The following PCDH15 variants were observed in gnomAD, a reference collection of about 807,000 sequenced individuals.
PCDH15 encodes the protein protocadherin related 15, also known as protocadherin-15.
In PCDH15, 129 loss-of-function variants were observed where a neutral mutation model predicts 178.5. The observed-to-expected ratio is 0.72, with a 90% CI of 0.63 to 0.84. The LOEUF is 0.84. Ranked by LOEUF, PCDH15 falls within the 40% of genes least tolerant of loss-of-function variation. The pLI, the probability that PCDH15 is intolerant of heterozygous loss-of-function variation, is 0.00. For missense variants in PCDH15, 2,230 were observed against 2,099.9 expected (o/e 1.06, Z -1.21); for synonymous variants, 800 against 732.0 (o/e 1.09, Z -1.50).
intron 1 of PCDH15, among the ~76,000 whole-genome samples, chr10:54,750,218 G>A (rs76538665): frequency 0.014 from 2,133 of 151,944 alleles, 51 homozygotes; most frequent in African/African-American, 0.048. Context: ...TTATAAAACC[G>A]TAGAGATGGC....
At chr10:54,343,286 G>A (rs1022030316) in intron 6 of PCDH15, among the ~76,000 whole-genome samples, 2 of 152,096 alleles carry the variant, frequency 1.3e-5, no homozygotes, top group Non-Finnish European at 2.9e-5. Context: ...TTTTGTGAGA[G>A]TGAGGGCATT....
intron 2 of PCDH15, among the ~76,000 whole-genome samples, chr10:55,409,381 T>A (rs570232881): frequency 6.6e-6 from 1 of 152,230 alleles, no homozygotes; most frequent in Admixed American, 6.5e-5. Flanking sequence ...CATGTTACTG[T>A]CCAATCATGA....
At chr10:55,337,240 G>C (rs1323524871) in intron 2 of PCDH15, among the ~76,000 whole-genome samples, 1 of 152,180 alleles carries the variant, frequency 6.6e-6, no homozygotes. Flanking sequence ...AAAAAATTAT[G>C]GTTCTACTGG....
intron 15 of PCDH15, among the ~76,000 whole-genome samples, chr10:54,129,939 A>G (rs1471963466): frequency 6.6e-6 from 1 of 152,174 alleles, no homozygotes; most frequent in African/African-American, 2.4e-5. Flanking sequence ...TTGTGTTTAA[A>G]AAAGGAGAAA....
At chr10:54,442,859 T>G (rs1204489260) in intron 3 of PCDH15, among the ~76,000 whole-genome samples, 1 of 151,474 alleles carries the variant, frequency 6.6e-6, no homozygotes, top group African/African-American at 2.4e-5. Flanking sequence ...GAAACGCCAT[T>G]GTTTATTGTA....
At chr10:55,425,787 T>C (rs1486163984) in intron 2 of PCDH15, among the ~76,000 whole-genome samples, 1 of 152,194 alleles carries the variant, frequency 6.6e-6, no homozygotes, top group Non-Finnish European at 1.5e-5. Flanking sequence ...TATTAATATA[T>C]GCTGTGAAAT....
intron 2 of PCDH15, among the ~76,000 whole-genome samples, chr10:55,375,884 C>G (rs943562016): frequency 1.7e-4 from 26 of 151,878 alleles, no homozygotes; most frequent in African/African-American, 5.8e-4. Context: ...ACTGTTTTTA[C>G]CACCAATCTA....
At chr10:53,917,468 C>A (rs1283512166) in intron 25 of PCDH15, among the ~76,000 whole-genome samples, 1 of 151,974 alleles carries the variant, frequency 6.6e-6, no homozygotes, top group African/African-American at 2.4e-5. Flanking sequence ...AATAAACAAG[C>A]TAACAGAAAA....
At chr10:55,383,087 G>A (rs1379662822) in intron 2 of PCDH15, among the ~76,000 whole-genome samples, 1 of 152,124 alleles carries the variant, frequency 6.6e-6, no homozygotes, top group Non-Finnish European at 1.5e-5. Context: ...TTTGAAAGGC[G>A]ATGAATGCAG....
chr10:53,857,129 T>G (rs1275510135), intron 28 of PCDH15, 46 bp downstream of exon 28: 2 of 1,322,876 alleles, frequency 1.5e-6, no homozygotes, highest in Non-Finnish European at 2.2e-6. Flanking sequence ...CAGTTAAAAA[T>G]CATGGTCATA....
intron 3 of PCDH15, among the ~76,000 whole-genome samples, chr10:54,400,975 CATT>C (rs773098872): frequency 2.0e-5 from 3 of 151,982 alleles, no homozygotes; most frequent in Non-Finnish European, 4.4e-5. Flanking sequence ...AGGAAACTGT[CATT>C]GTTGAGAATT....
At chr10:54,759,426 C>T (rs1002874393) in intron 1 of PCDH15, among the ~76,000 whole-genome samples, 8 of 152,066 alleles carry the variant, frequency 5.3e-5, no homozygotes, top group African/African-American at 1.2e-4. Context: ...TAATAAAGTT[C>T]TGTACTAATA....
intron 2 of PCDH15, among the ~76,000 whole-genome samples, chr10:55,081,993 C>A (rs183901211): frequency 3.5e-4 from 53 of 152,148 alleles, no homozygotes; most frequent in Admixed American, 1.3e-3. Context: ...TTCAACACCC[C>A]CACTTTTAGC....
intron 24 of PCDH15, 148 bp from the exon 25 acceptor site, chr10:53,939,103 G>T: frequency 2.7e-6 from 2 of 746,706 alleles, no homozygotes; most frequent in Non-Finnish European, 4.4e-6. Context: ...CTGGCTTTTG[G>T]AAACTGTTCC....
intron 6 of PCDH15, among the ~76,000 whole-genome samples, chr10:54,338,921 T>C (rs1429579472): frequency 6.6e-6 from 1 of 152,212 alleles, no homozygotes; most frequent in Non-Finnish European, 1.5e-5. Flanking sequence ...GTCTTATCAA[T>C]CTTGCTAACA....
At chr10:54,497,630 C>T (rs1261886233) in intron 3 of PCDH15, among the ~76,000 whole-genome samples, 1 of 152,016 alleles carries the variant, frequency 6.6e-6, no homozygotes, top group Non-Finnish European at 1.5e-5. Context: ...AAGTTCACTA[C>T]AGCAATTTCA....
At chr10:54,750,209 T>C (rs370963119) in intron 1 of PCDH15, among the ~76,000 whole-genome samples, 24 of 152,236 alleles carry the variant, frequency 1.6e-4, no homozygotes, top group East Asian at 9.6e-4. Flanking sequence ...ATTTTACATT[T>C]ATAAAACCGT....
intron 10 of PCDH15, among the ~76,000 whole-genome samples, chr10:54,200,571 T>C (rs554904833): frequency 1.3e-5 from 2 of 152,268 alleles, no homozygotes; most frequent in African/African-American, 4.8e-5. Context: ...ACTTCAATCA[T>C]ACTTTTGCCT....
intron 2 of PCDH15, among the ~76,000 whole-genome samples, chr10:55,134,238 C>A (rs1025065122): frequency 1.3e-5 from 2 of 152,244 alleles, no homozygotes; most frequent in African/African-American, 4.8e-5. Flanking sequence ...AACCTTGAAA[C>A]CTTTGGACTG....
Sources: gnomAD v4.1 joint callset for allele counts (sites outside exome capture counted in the v4.1 genomes callset) on GRCh38, gnomAD v4.1.1 for gene constraint, MANE v1.5 for transcripts, NCBI Gene and HGNC (gene_info 2026-07-23, HGNC 2026-07-21) for gene names.